The following B3GALT5 variants were observed in gnomAD, a reference collection of about 807,000 sequenced individuals.
The protein encoded by B3GALT5 is UDP-Gal:betaGlcNAc beta 1,3-galactosyltransferase, polypeptide 5.
For missense variants in B3GALT5, 328 were observed against 396.6 expected (o/e 0.83, Z 1.47); for synonymous variants, 156 against 158.6 (o/e 0.98, Z 0.12).
chr21:39,660,020 T>A (rs2079494666), intron 3 of B3GALT5, 108 bp downstream of exon 3: 2 of 631,916 alleles, frequency 3.2e-6, no homozygotes, highest in Non-Finnish European at 3.9e-6. Flanking sequence ...GATCAGAGAC[T>A]GTAAAAAGTA....
rs199993946 is a variant in B3GALT5 at position 39,634,357 on chromosome 21, G to A, written c.-391-12035G>A. ...CTTGTCAGAACTGCTCCCATGTCCCGATCCGACTTCAGAGGTGGGAAAACG... is the reference window on the plus strand; with the variant it reads ...CTTGTCAGAACTGCTCCCATGTCCCAATCCGACTTCAGAGGTGGGAAAACG... On this transcript the variant is annotated intron_variant, in intron 1 of 3. Transcript: ENST00000684187. Among the ~76,000 whole-genome samples the A allele has an allele frequency of 7.2e-5, 11 of 152,254 alleles. No individual in the cohort carries two copies. The East Asian group carries it at 7.7e-4, about 11-fold the overall frequency.
At chr21:39,639,385 TC>T (rs1569212268) in intron 1 of B3GALT5, among the ~76,000 whole-genome samples, 76 of 134,106 alleles carry the variant, frequency 5.7e-4, no homozygotes, top group African/African-American at 1.5e-3. Flanking sequence ...CTTCCTTCCT[TC>T]CTTCCTTCTT....
chr21:39,645,750 C>T (rs966452886), intron 1 of B3GALT5, among the ~76,000 whole-genome samples: 2 of 152,108 alleles, frequency 1.3e-5, no homozygotes, highest in African/African-American at 4.8e-5. Context: ...GTTGGGACAA[C>T]CTTTGAGAAA....
In B3GALT5 at chr21:39,618,864, A is replaced by G. The variant is rs983320928; in HGVS notation, c.-392+5797A>G. 8.5e-5 allele frequency among the ~76,000 whole-genome samples: 13 copies of G among 152,084 alleles called. 1 individual carries two copies. The South Asian group carries it at 1.7e-3, about 19-fold the overall frequency. ...ATCTTATGAAATTCTTCCCCACTCT[A>G]AGGCTATAAAGATTGTCTCATATAC... is the stretch of plus-strand genomic sequence containing the variant. On this transcript the variant is annotated intron_variant, in intron 1 of 3. Coordinates refer to ENST00000684187, the MANE Select transcript of B3GALT5 (RefSeq NM_001356336.2).
chr21:39,667,670 A>C lies in B3GALT5; in HGVS notation c.*6178A>C, dbSNP rs2079589848. ...CTTCCATGGTGGCAGGAGCCATGGAAAATAGAGACCCACCCGGTAAGGAGG... is the reference window on the plus strand; with the variant it reads ...CTTCCATGGTGGCAGGAGCCATGGACAATAGAGACCCACCCGGTAAGGAGG... On this transcript the variant is annotated 3_prime_UTR_variant, in exon 4 of 4. Transcript: ENST00000684187. The C allele has an allele frequency of 6.6e-6, 1 of 152,224 alleles. No homozygotes were observed. Among genetic ancestry groups the C allele is most frequent in the African/African-American group, 2.4e-5 (1 of 41,464 alleles). The allele number at this position is 152,224 out of a possible 1,614,324, so 9.4% of individuals were successfully genotyped here.
chr21:39,613,581 G>A (rs1164317832), intron 1 of B3GALT5, among the ~76,000 whole-genome samples: 4 of 152,356 alleles, frequency 2.6e-5, no homozygotes, highest in African/African-American at 9.6e-5. Context: ...CCAGAAGGGA[G>A]TCTGTAGGTC....
At chr21:39,622,962 T>C (rs2079141554) in intron 1 of B3GALT5, among the ~76,000 whole-genome samples, 2 of 152,178 alleles carry the variant, frequency 1.3e-5, no homozygotes, top group Non-Finnish European at 2.9e-5. Context: ...TGGTATTTTC[T>C]CTATCATGAC....
At chr21:39,652,753 G>A (rs2079407508) in intron 2 of B3GALT5, among the ~76,000 whole-genome samples, 1 of 152,188 alleles carries the variant, frequency 6.6e-6, no homozygotes, top group Admixed American at 6.5e-5. Flanking sequence ...GCCAACTGAT[G>A]TGTAAAAGCA....
At chr21:39,648,853 C>T (rs2079366658) in intron 2 of B3GALT5, among the ~76,000 whole-genome samples, 2 of 152,136 alleles carry the variant, frequency 1.3e-5, no homozygotes, top group Admixed American at 1.3e-4. Context: ...AAAGAGGCAC[C>T]AGGGCTGTCT....
At position 39,661,268 on chromosome 21, in the gene B3GALT5, C is replaced by G; in HGVS notation, c.709C>G (p.Pro237Ala). The stretch of plus-strand genomic sequence containing the variant: ...GGTGTACAATGTCTCCAAGAGCGTC[C>G]CATACATTAAACTGGAAGACGTGTT... ...SQVYNVSKSV[P>A]YIKLEDVFVG... is the part of the protein sequence containing the mutation. Residue 237 changes from proline to alanine, a missense_variant, in exon 4 of 4, where the codon CCA becomes GCA. Transcript: ENST00000684187. This position sits in a 1 kb window ranked among gnomAD's most constrained non-coding sequence, Gnocchi z 4.7. 6.2e-7 allele frequency: 1 copy of G among 1,614,104 alleles called. No homozygotes were observed. The highest frequency in any genetic ancestry group is 8.5e-7 in the Non-Finnish European group (1 of 1,180,040).
chr21:39,669,547 G>A lies in B3GALT5; in HGVS notation c.*8055G>A, dbSNP rs2079609097. On this transcript the variant is annotated 3_prime_UTR_variant, in exon 4 of 4. Coordinates refer to ENST00000684187, the MANE Select transcript of B3GALT5 (RefSeq NM_001356336.2). ...ACACAATGCTGAGAAGATTATCAGG[G>A]GCACCTGATCCCTTGACAGCTGAAT... is the stretch of plus-strand genomic sequence containing the variant. The A allele has an allele frequency of 6.6e-6, 1 of 152,082 alleles. No homozygotes were observed. The highest frequency in any genetic ancestry group is 2.1e-4 in the South Asian group (1 of 4,812). 9.4% of individuals were successfully genotyped at this position (152,082 alleles called of 1,614,324 possible).
At chr21:39,624,570 T>A (rs924497302) in intron 1 of B3GALT5, among the ~76,000 whole-genome samples, 1 of 152,152 alleles carries the variant, frequency 6.6e-6, no homozygotes, top group Non-Finnish European at 1.5e-5. Flanking sequence ...TGGATATAAA[T>A]GAAGGAATTG....
chr21:39,627,011 T>C (rs1171053834), intron 1 of B3GALT5, among the ~76,000 whole-genome samples: 1 of 152,176 alleles, frequency 6.6e-6, no homozygotes, highest in Non-Finnish European at 1.5e-5. Flanking sequence ...ACATTCCATA[T>C]CATGGACTTT....
At position 39,668,034 on chromosome 21, in the gene B3GALT5, C is replaced by T. The variant is rs1263666568; in HGVS notation, c.*6542C>T. On this transcript the variant is annotated 3_prime_UTR_variant, in exon 4 of 4. Transcript: ENST00000684187. ...GTTCTTGGCACGGCTGTGCCTAGCA[C>T]TGGGTGCAGGCTGAATGCATGGGCT... The T allele has an allele frequency of 6.6e-6, 1 of 152,270 alleles. No individual in the cohort carries two copies. Among genetic ancestry groups the T allele is most frequent in the Non-Finnish European group, 1.5e-5 (1 of 68,068 alleles). The allele number at this position is 152,270 out of a possible 1,614,324, so 9.4% of individuals were successfully genotyped here.
chr21:39,618,578 C>T (rs892007373), intron 1 of B3GALT5, among the ~76,000 whole-genome samples: 1 of 152,130 alleles, frequency 6.6e-6, no homozygotes, highest in Non-Finnish European at 1.5e-5. Flanking sequence ...TGTATCTCAG[C>T]CATTTGGATT....
chr21:39,637,652 A>C (rs2146196023), intron 1 of B3GALT5, among the ~76,000 whole-genome samples: 1 of 152,372 alleles, frequency 6.6e-6, no homozygotes, highest in African/African-American at 2.4e-5. Flanking sequence ...TTGCAGAGAC[A>C]AAAGGAACAA....
At position 39,672,260 on chromosome 21, in the gene B3GALT5, A is replaced by G. The variant is rs1207717002; in HGVS notation, c.*10768A>G. ...GTCCCCGAAGAGGTAAGCCAAAGAC[A>G]TAGTGATACTTGGTTCAATTCGGCT... On this transcript the variant is annotated 3_prime_UTR_variant, in exon 4 of 4. Coordinates refer to ENST00000684187, the MANE Select transcript of B3GALT5 (RefSeq NM_001356336.2). The G allele has an allele frequency of 1.3e-5, 2 of 152,242 alleles. No homozygotes were observed. Among genetic ancestry groups the G allele is most frequent in the African/African-American group, 4.8e-5 (2 of 41,476 alleles). 9.4% of individuals were successfully genotyped at this position (152,242 alleles called of 1,614,324 possible). A position where few individuals can be genotyped will look rare whatever the true frequency, so the allele number is the denominator to read the frequency against.
chr21:39,619,989 G>A (rs1569205621), intron 1 of B3GALT5, among the ~76,000 whole-genome samples: 1 of 151,918 alleles, frequency 6.6e-6, no homozygotes, highest in Non-Finnish European at 1.5e-5. Context: ...TATATTTTTT[G>A]GTAGAGACGG....
chr21:39,625,783 C>T (rs964651023), intron 1 of B3GALT5, among the ~76,000 whole-genome samples: 2 of 152,230 alleles, frequency 1.3e-5, no homozygotes, highest in South Asian at 2.1e-4. Flanking sequence ...GAGAACTCCA[C>T]GTTCCCTCTA....
Sources: allele counts gnomAD v4.1 joint callset (sites outside exome capture counted in the v4.1 genomes callset), GRCh38; gene constraint gnomAD v4.1.1; non-coding constraint Gnocchi (gnomAD v3.1); transcripts MANE v1.5; gene names NCBI Gene and HGNC (gene_info 2026-07-23, HGNC 2026-07-21).